The following CD276 variants were observed in gnomAD, a reference collection of about 807,000 sequenced individuals.
CD276 encodes the protein CD276 antigen.
In CD276, 34 loss-of-function variants were observed where a neutral mutation model predicts 50.0. The observed-to-expected ratio is 0.68, with a 90% CI of 0.52 to 0.91. The LOEUF (loss-of-function observed/expected upper bound fraction) is 0.91, where lower values mean the gene tolerates loss of function less well. Among genes scored for constraint, CD276 ranks in the 40% least tolerant of loss-of-function variants. The probability of loss-of-function intolerance (pLI) is 0.00; values close to 1 mark genes in which losing one functional copy is unlikely to be tolerated. For synonymous variants in CD276, 275 were observed against 313.0 expected (o/e 0.88, Z 1.28); for missense variants, 634 against 717.5 (o/e 0.88, Z 1.33).
chr15:73,708,176 G>A (rs1248905943), intron 6 of CD276, among the ~76,000 whole-genome samples, 163 bp from the exon 7 acceptor site: 3 of 152,154 alleles, frequency 2.0e-5, no homozygotes, highest in African/African-American at 7.2e-5. Flanking sequence ...CAGGGTTTGG[G>A]GAGTGTATGG....
At chr15:73,685,476 TGTGTGTGTGTGTG>T (rs1899716932) in intron 1 of CD276, among the ~76,000 whole-genome samples, 6 of 149,892 alleles carry the variant, frequency 4.0e-5, no homozygotes, top group Admixed American at 1.3e-4. Flanking sequence ...TGTGTGTGTG[TGTGTGTGTGTGTG>T]TGTGTGGCGG....
intron 6 of CD276, 117 bp from the exon 7 acceptor site, chr15:73,708,222 A>C (rs1406291360): frequency 1.1e-4 from 115 of 1,092,744 alleles, no homozygotes; most frequent in Non-Finnish European, 1.2e-5. Context: ...AGCTTTATTC[A>C]TAGTGTTAGG....
upstream of CD276, chr15:73,684,093 G>C (rs192679813): frequency 9.5e-4 from 144 of 151,686 alleles, 1 homozygote; most frequent in African/African-American, 3.2e-3. Flanking sequence ...TCGCAGAAAG[G>C]AAGATTCGGC....
rs150877011 is a variant in CD276 at position 73,704,360 on chromosome 15, G to A, written c.1257G>A (p.Leu419=). The A allele has an allele frequency of 2.2e-3, 3,511 of 1,614,100 alleles. 77 individuals are homozygous for A. The African/African-American group carries it at 0.042, about 19-fold the overall frequency. ...CGCAGATGGCCAACGAGCAGGGCTT[G>A]TTTGATGTGCACAGCGTCCTGCGGG... ...TTSQMANEQG[L]FDVHSVLRVV... is the part of the protein sequence containing the mutation. The change falls in exon 6 of 10, where the codon TTG becomes TTA. Residue 419 remains leucine (L), a synonymous_variant. Coordinates refer to ENST00000318443, the MANE Select transcript of CD276 (RefSeq NM_001024736.2). This position sits in a 1 kb window ranked among gnomAD's most constrained non-coding sequence, Gnocchi z 4.1.
chr15:73,684,061 CCAGT>C (rs1488748203), upstream of CD276: 1 of 152,356 alleles, frequency 6.6e-6, no homozygotes, highest in Non-Finnish European at 1.5e-5. Context: ...CAGTCGATGA[CCAGT>C]CAGTCACCTA....
Position 73,702,505 on chromosome 15 carries a change from G to A in CD276, c.330G>A (p.Gln110=), listed in dbSNP as rs770149695. The A allele has an allele frequency of 6.2e-7, 1 of 1,613,352 alleles. No individual in the cohort carries two copies. The highest frequency in any genetic ancestry group is 1.1e-5 in the South Asian group (1 of 91,074). ...LAQGNASLRL[Q]RVRVADEGSF... ...AGGGCAACGCATCCCTGAGGCTGCA[G>A]CGCGTGCGTGTGGCGGACGAGGGCA... The change falls in exon 3 of 10, where the codon CAG becomes CAA. Residue 110 remains glutamine, a synonymous_variant. Transcript: ENST00000318443.
At chr15:73,690,280 G>T (rs1899936836) in intron 1 of CD276, among the ~76,000 whole-genome samples, 1 of 152,234 alleles carries the variant, frequency 6.6e-6, no homozygotes, top group South Asian at 2.1e-4. Context: ...TTCTCAGGGA[G>T]GTTCTCATAT....
At chr15:73,684,012 C>T (rs1336556635), upstream of CD276, 1 of 152,418 alleles carries the variant, frequency 6.6e-6, no homozygotes, top group African/African-American at 2.4e-5. Context: ...GAACCCAAGA[C>T]TGGGGTTGGA....
intron 2 of CD276, among the ~76,000 whole-genome samples, chr15:73,701,335 A>G (rs1481467496): frequency 6.6e-6 from 1 of 152,178 alleles, no homozygotes; most frequent in Non-Finnish European, 1.5e-5. Flanking sequence ...TTGCCCTGCC[A>G]CAGTCCAGTC....
intron 6 of CD276, among the ~76,000 whole-genome samples, chr15:73,706,519 TGAG>T (rs1900659431): frequency 6.6e-6 from 1 of 152,202 alleles, no homozygotes; most frequent in Non-Finnish European, 1.5e-5. Flanking sequence ...TGCCCTGCAG[TGAG>T]GAGATGAGCC....
In CD276 at chr15:73,711,171, G is replaced by T. The variant is rs760384194; in HGVS notation, c.1582+1G>T. 1.2e-6 allele frequency: 2 copies of T among 1,613,892 alleles called. No homozygotes were observed. Among genetic ancestry groups the T allele is most frequent in the Non-Finnish European group, 1.7e-6 (2 of 1,180,014 alleles). On this transcript the variant is annotated splice_donor_variant, in intron 9 of 9. Transcript: ENST00000318443. LOFTEE classifies it high-confidence loss of function. The stretch of plus-strand genomic sequence containing the variant: ...CTGAAACACTCTGACAGCAAAGAAG[G>T]TAAAGACACCTGGGCTTGAGGTTGT...
chr15:73,712,983 C>A lies in CD276; in HGVS notation c.*27C>A. 2 of 1,608,594 alleles carry A rather than the reference C, an allele frequency of 1.2e-6. No homozygotes were observed. The highest frequency in any genetic ancestry group is 1.1e-5 in the South Asian group (1 of 90,894). On this transcript the variant is annotated 3_prime_UTR_variant, in exon 10 of 10. Coordinates refer to ENST00000318443, the MANE Select transcript of CD276 (RefSeq NM_001024736.2). ...CATGAGGACCAGGGAGCTGCTACCC[C>A]TCCCTACAGCTCCTACCCTCTGGCT...
chr15:73,688,228 G>A (rs1899842808), intron 1 of CD276, among the ~76,000 whole-genome samples: 1 of 151,978 alleles, frequency 6.6e-6, no homozygotes. Context: ...GTGGGGTAGG[G>A]GCAAAGTGTT....
chr15:73,708,559 ACTTT>A, intron 7 of CD276, 86 bp downstream of exon 7: 3 of 1,458,648 alleles, frequency 2.1e-6, no homozygotes, highest in African/African-American at 1.4e-5. Flanking sequence ...ATAGAGTGTC[ACTTT>A]CTAGTGACAG....
At chr15:73,695,564 T>C (rs16958143) in intron 1 of CD276, among the ~76,000 whole-genome samples, 7,511 of 152,214 alleles carry the variant, frequency 0.049, 640 homozygotes, top group African/African-American at 0.17. Flanking sequence ...GTACCTTAGT[T>C]ATCTCTCTGC....
chr15:73,689,848 C>T (rs906090215), intron 1 of CD276, among the ~76,000 whole-genome samples: 1 of 152,132 alleles, frequency 6.6e-6, no homozygotes, highest in African/African-American at 2.4e-5. Flanking sequence ...GTGGTCAGGA[C>T]CCTTTGATGG....
intron 2 of CD276, among the ~76,000 whole-genome samples, chr15:73,701,336 C>T (rs1036308725): frequency 6.6e-6 from 1 of 152,220 alleles, no homozygotes; most frequent in South Asian, 2.1e-4. Context: ...TGCCCTGCCA[C>T]AGTCCAGTCT....
At chr15:73,689,393 G>C (rs932297569) in intron 1 of CD276, among the ~76,000 whole-genome samples, 3 of 152,108 alleles carry the variant, frequency 2.0e-5, no homozygotes, top group African/African-American at 7.2e-5. Flanking sequence ...CTGCTCTTGG[G>C]TGGGATCACG....
intron 1 of CD276, among the ~76,000 whole-genome samples, chr15:73,686,059 T>C (rs1048884632): frequency 1.3e-5 from 2 of 152,204 alleles, no homozygotes; most frequent in Non-Finnish European, 1.5e-5. Context: ...GAAATTTTCC[T>C]TCATGACTTT....
Sources: allele counts gnomAD v4.1 joint callset (sites outside exome capture counted in the v4.1 genomes callset), GRCh38; gene constraint gnomAD v4.1.1; non-coding constraint Gnocchi (gnomAD v3.1); transcripts MANE v1.5; gene names NCBI Gene and HGNC (gene_info 2026-07-23, HGNC 2026-07-21).